Variants in SELENON observed in about 807,000 individuals in gnomAD.
SELENON encodes the protein selenoprotein N, 1.
SELENON carries 44 observed loss-of-function variants against 59.5 expected under a neutral mutation model. The observed-to-expected ratio is 0.74, with a 90% CI of 0.58 to 0.95. The LOEUF (loss-of-function observed/expected upper bound fraction) is 0.95. Ranked by LOEUF, SELENON falls within the 40% of genes least tolerant of loss-of-function variation. The pLI is 0.00. For missense variants in SELENON, 674 were observed against 721.4 expected, an observed-to-expected ratio of 0.93 and a Z score of 0.75; for synonymous variants, 320 against 305.6, an observed-to-expected ratio of 1.05 and a Z score of -0.49.
Position 25,800,378 on chromosome 1 carries a change from G to A in SELENON, c.148G>A (p.Ala50Thr). ...CGCTGCCGCCGCCGTCCGGGTCTGC[G>A]CCCGCCACGCCGAGGCCCAGGCGGC... Residue 50 changes from alanine (A) to threonine (T), a missense_variant, in exon 1 of 13, where the codon GCC becomes ACC. Physicochemically the swap from Ala to Thr is moderately conservative, Grantham distance 58. Transcript: ENST00000361547. The A allele has an allele frequency of 9.2e-7, 1 of 1,092,828 alleles. No homozygotes were observed. The highest frequency in any genetic ancestry group is 1.1e-6 in the Non-Finnish European group (1 of 899,956). The allele number at this position is 1,092,828 out of a possible 1,614,324, so 67.7% of individuals were successfully genotyped here.
At chr1:25,802,325 T>A (rs1419137862) in intron 3 of SELENON, among the ~76,000 whole-genome samples, 2 of 151,984 alleles carry the variant, frequency 1.3e-5, no homozygotes, top group Non-Finnish European at 2.9e-5. Flanking sequence ...TCTGAAACTT[T>A]GCTTAGGTGC....
rs886043768 is a variant in SELENON at position 25,800,250 on chromosome 1, G to T, written c.20G>T (p.Gly7Val). The T allele has an allele frequency of 2.2e-6, 2 of 897,366 alleles. No individual in the cohort carries two copies. The highest frequency in any genetic ancestry group is 3.7e-5 in the African/African-American group (2 of 54,756). The allele number at this position is 897,366 out of a possible 1,614,324, so 55.6% of individuals were successfully genotyped here. The change falls in exon 1 of 13, where the codon GGC becomes GTC. Residue 7 changes from glycine (G) to valine (V), a missense_variant. Coordinates refer to ENST00000361547, the MANE Select transcript of SELENON (RefSeq NM_020451.3). ...GCAGCCATGGGCCGGGCCCGGCCGG[G>T]CCAACGCGGGCCGCCCAGCCCCGGC...
In SELENON at chr1:25,812,766, G is replaced by A; in HGVS notation, c.1361G>A (p.Gly454Glu). The change falls in exon 10 of 13, where the codon GGG (glycine) becomes GAG (glutamate). Residue 454 changes from glycine to glutamate, a missense_variant. Physicochemically the swap from Gly to Glu is moderately conservative, Grantham distance 98. Transcript: ENST00000361547. ...CTGGTGCACTCAATCCTGCTGTGGGGGGCCCTGGATGACCAGTCCTGCTGA... is the reference window on the plus strand; with the variant it reads ...CTGGTGCACTCAATCCTGCTGTGGGAGGCCCTGGATGACCAGTCCTGCTGA... The A allele has an allele frequency of 6.2e-7, 1 of 1,613,532 alleles. No individual in the cohort carries two copies. The highest frequency in any genetic ancestry group is 8.5e-7 in the Non-Finnish European group (1 of 1,179,824).
At chr1:25,814,048 G>C in intron 11 of SELENON, 29 bp from the exon 11 acceptor site, 2 of 1,610,078 alleles carry the variant, frequency 1.2e-6, no homozygotes, top group Non-Finnish European at 1.7e-6. Context: ...GGGGGCCGCG[G>C]CATCAGGAGT....
At position 25,815,589 on chromosome 1, in the gene SELENON, C is replaced by T. The variant is rs368507434; in HGVS notation, c.1644C>T (p.Ser548=). ...CCAACTACTTCTTGGACATCACCTC[C>T]GTGAAGCCCGAGGAAATCGAGAGCA... Residue 548 remains serine (S), a synonymous_variant, in exon 13 of 13, where the codon TCC becomes TCT. Coordinates refer to ENST00000361547, the MANE Select transcript of SELENON (RefSeq NM_020451.3). The T allele has an allele frequency of 1.9e-5, 30 of 1,614,062 alleles. No individual in the cohort carries two copies. The highest frequency in any genetic ancestry group is 1.6e-4 in the Middle Eastern group (1 of 6,084).
chr1:25,818,090 C>G lies in SELENON; in HGVS notation c.*2372C>G, dbSNP rs948493588. ...GGGCTTTCTGAGGCCTTATCTGATG[C>G]CTCTGCAGTTCATGTCCCCCACCAG... On this transcript the variant is annotated 3_prime_UTR_variant, in exon 13 of 13. Transcript: ENST00000361547. 3 of 152,402 alleles carry G rather than the reference C, an allele frequency of 2.0e-5. No homozygotes were observed. The highest frequency in any genetic ancestry group is 7.2e-5 in the African/African-American group (3 of 41,452). The allele number at this position is 152,402 out of a possible 1,614,324, so 9.4% of individuals were successfully genotyped here. A position where few individuals can be genotyped will look rare whatever the true frequency, so the allele number is the denominator to read the frequency against.
chr1:25,811,326 G>T lies in SELENON; in HGVS notation c.1011-128G>T, dbSNP rs74753273. On this transcript the variant is annotated intron_variant, in intron 7 of 12. Transcript: ENST00000361547. ...AGAATCCCAGTGGCTCTGAGAGCAG[G>T]TGTTCACCTTGAGAAACCTCAGTGT... 0.028 allele frequency: 24,081 copies of T among 864,512 alleles called. 460 individuals carry two copies. The highest frequency in any genetic ancestry group is 0.038 in the Non-Finnish European group (19,358 of 510,806). The allele number at this position is 864,512 out of a possible 1,614,324, so 53.6% of individuals were successfully genotyped here.
At chr1:25,812,964 G>T (rs922309180) in intron 10 of SELENON, among the ~76,000 whole-genome samples, 172 bp downstream of exon 9, 8 of 152,236 alleles carry the variant, frequency 5.3e-5, no homozygotes, top group Middle Eastern at 6.8e-3. Context: ...AGCCCAGAGG[G>T]AGCTACCAGA....
At chr1:25,811,392 G>A in intron 7 of SELENON, 62 bp from the exon 7 acceptor site, 1 of 1,398,354 alleles carries the variant, frequency 7.2e-7, no homozygotes, top group Admixed American at 1.7e-5. Flanking sequence ...TATTATGTGA[G>A]ATAAAGTGTG....
intron 12 of SELENON, 68 bp from the exon 12 acceptor site, chr1:25,815,480 G>T: frequency 7.4e-7 from 1 of 1,346,914 alleles, no homozygotes; most frequent in South Asian, 1.2e-5. Context: ...TCTCCCCATA[G>T]AAGAGAGGGC....
chr1:25,807,689 T>C lies in SELENON; in HGVS notation c.538-891T>C, dbSNP rs577201913. Among the ~76,000 whole-genome samples the C allele has an allele frequency of 2.6e-5, 4 of 152,228 alleles. No individual in the cohort carries two copies. The East Asian group carries it at 7.7e-4, about 29-fold the overall frequency. ...CCAGCTCTGCCTTGAGAACCGCCTGTTAAATCTGTCTCTGTGGGAGCTCCC... is the reference window on the plus strand; with the variant it reads ...CCAGCTCTGCCTTGAGAACCGCCTGCTAAATCTGTCTCTGTGGGAGCTCCC... On this transcript the variant is annotated intron_variant, in intron 4 of 12. Coordinates refer to ENST00000361547, the MANE Select transcript of SELENON (RefSeq NM_020451.3). This position sits in a 1 kb window ranked among gnomAD's most constrained non-coding sequence, Gnocchi z 4.5.
At position 25,814,188 on chromosome 1, in the gene SELENON, C is replaced by A; in HGVS notation, c.1602+10C>A. The A allele has an allele frequency of 6.2e-7, 1 of 1,610,008 alleles. No homozygotes were observed. Among genetic ancestry groups the A allele is most frequent in the South Asian group, 1.1e-5 (1 of 90,728 alleles). ...GCCCAATGGCACCGTGGTAGGCACC[C>A]CCACTCAGACCCCACAGGGCCCAGG... is the stretch of plus-strand genomic sequence containing the variant. On this transcript the variant is annotated intron_variant, in intron 12 of 12. Coordinates refer to ENST00000361547, the MANE Select transcript of SELENON (RefSeq NM_020451.3).
chr1:25,804,368 A>G (rs2047884747), intron 3 of SELENON, among the ~76,000 whole-genome samples: 1 of 152,098 alleles, frequency 6.6e-6, no homozygotes, highest in African/African-American at 2.4e-5. Context: ...TCAGTCAGCA[A>G]ATGCCAGGCA....
rs527549188 is a variant in SELENON, at chr1:25,815,607, C to T, written c.1662C>T (p.Ile554=). 1.4e-5 allele frequency: 23 copies of T among 1,614,066 alleles called. No homozygotes were observed. The highest frequency in any genetic ancestry group is 8.3e-5 in the Admixed American group (5 of 60,002). The change falls in exon 13 of 13, where the codon ATC becomes ATT. Residue 554 remains isoleucine (I), a synonymous_variant. Transcript: ENST00000361547. ...TCACCTCCGTGAAGCCCGAGGAAAT[C>T]GAGAGCAATCTCTTCAGCTTCTCAT...
At position 25,815,898 on chromosome 1, in the gene SELENON, G is replaced by T; in HGVS notation, c.*180G>T. The T allele has an allele frequency of 1.6e-6, 1 of 626,772 alleles. No homozygotes were observed. The highest frequency in any genetic ancestry group is 1.9e-5 in the South Asian group (1 of 52,710). The allele number at this position is 626,772 out of a possible 1,614,324, so 38.8% of individuals were successfully genotyped here. A position where few individuals can be genotyped will look rare whatever the true frequency, so the allele number is the denominator to read the frequency against. On this transcript the variant is annotated 3_prime_UTR_variant, in exon 13 of 13. Transcript: ENST00000361547. ...GCTCCATGGTGGCGGGTAGACAAGG[G>T]ATGCCTGGGCTGACTGGGCAGAGGA...
At chr1:25,814,028 G>C (rs748170334) in intron 11 of SELENON, 35 bp downstream of exon 10, 20 of 1,611,218 alleles carry the variant, frequency 1.2e-5, no homozygotes, top group Non-Finnish European at 1.7e-5. Context: ...GGAGCGTCCG[G>C]AACAGTGGTG....
chr1:25,811,757 G>A lies in SELENON; in HGVS notation c.1159G>A (p.Asp387Asn), dbSNP rs896830297. 9 of 1,598,322 alleles carry A rather than the reference G, an allele frequency of 5.6e-6. No individual in the cohort carries two copies. Among genetic ancestry groups the A allele is most frequent in the South Asian group, 1.1e-5 (1 of 88,966 alleles). ...CCTGGATGAGGATGGCAGCATGATC[G>A]ACAGCCACCTGCCTTCAGGGGAGCC... Residue 387 changes from aspartate to asparagine, a missense_variant, in exon 9 of 13, where the codon GAC becomes AAC. Coordinates refer to ENST00000361547, the MANE Select transcript of SELENON (RefSeq NM_020451.3).
At position 25,800,270 on chromosome 1, in the gene SELENON, C is replaced by CCCGGCCCCGCCGCGCAGCCTCCCGCGCCA. The variant is rs797044620; in HGVS notation, c.44_72dup (p.Arg25AlafsTer51). 2 of 965,654 alleles carry CCCGGCCCCGCCGCGCAGCCTCCCGCGCCA rather than the reference C, an allele frequency of 2.1e-6. No homozygotes were observed. Among genetic ancestry groups the CCCGGCCCCGCCGCGCAGCCTCCCGCGCCA allele is most frequent in the Non-Finnish European group, 2.5e-6 (2 of 812,930 alleles). 59.8% of individuals were successfully genotyped at this position (965,654 alleles called of 1,614,324 possible). ...GCCGGGCCAACGCGGGCCGCCCAGC[C>CCCGGCCCCGCCGCGCAGCCTCCCGCGCCA]CCGGCCCCGCCGCGCAGCCTCCCGC... is the stretch of plus-strand genomic sequence containing the variant. On this transcript the variant is annotated frameshift_variant, in exon 1 of 13. Transcript: ENST00000361547. LOFTEE classifies it high-confidence loss of function.
intron 3 of SELENON, 104 bp from the exon 3 acceptor site, chr1:25,805,038 C>A: frequency 6.7e-7 from 1 of 1,496,584 alleles, no homozygotes; most frequent in Non-Finnish European, 9.2e-7. Context: ...CAGCTACCCC[C>A]ACCCCCTGCC....
Sources: allele counts gnomAD v4.1 joint callset (sites outside exome capture counted in the v4.1 genomes callset), GRCh38; gene constraint gnomAD v4.1.1; non-coding constraint Gnocchi (gnomAD v3.1); transcripts MANE v1.5; gene names NCBI Gene and HGNC (gene_info 2026-07-23, HGNC 2026-07-21).